ZSWIM6: variants seen among roughly 807,000 people sequenced by gnomAD.
ZSWIM6 encodes zinc finger SWIM domain-containing protein 6.
Under a neutral mutation model 113.2 loss-of-function variants are expected in ZSWIM6, and 9 were observed. The observed-to-expected ratio is 0.08, with a 90% CI of 0.05 to 0.14. ZSWIM6 has a LOEUF of 0.14. ZSWIM6 is among the 10% of genes least tolerant of loss of function. The pLI is 1.00. For missense variants in ZSWIM6, 1,162 were observed against 1,552.2 expected (o/e 0.75, Z 4.22); for synonymous variants, 611 against 606.5 (o/e 1.01, Z -0.11).
At chr5:61,541,168 T>G (rs1749726451) in intron 12 of ZSWIM6, among the ~76,000 whole-genome samples, 1 of 152,042 alleles carries the variant, frequency 6.6e-6, no homozygotes, top group Non-Finnish European at 1.5e-5. Flanking sequence ...GGTCTCAAAC[T>G]CCTGACCTCG....
intron 1 of ZSWIM6, among the ~76,000 whole-genome samples, chr5:61,423,615 G>A (rs1180496390): frequency 6.6e-6 from 1 of 152,096 alleles, no homozygotes; most frequent in Non-Finnish European, 1.5e-5. Context: ...AAGTGATATT[G>A]CTACAAATCA....
chr5:61,471,656 T>A, intron 1 of ZSWIM6, among the ~76,000 whole-genome samples: 1 of 152,178 alleles, frequency 6.6e-6, no homozygotes, highest in East Asian at 1.9e-4. Context: ...GCACAAACCC[T>A]ATTTGGAATT....
intron 2 of ZSWIM6, among the ~76,000 whole-genome samples, chr5:61,480,627 C>A (rs1444810524): frequency 6.6e-6 from 1 of 152,166 alleles, no homozygotes; most frequent in African/African-American, 2.4e-5. Context: ...GCATTACTTA[C>A]CCCTTTGAAA....
chr5:61,517,541 T>A (rs1332877229), intron 4 of ZSWIM6, among the ~76,000 whole-genome samples: 1 of 152,102 alleles, frequency 6.6e-6, no homozygotes, highest in Non-Finnish European at 1.5e-5. Context: ...TTTACTTTCA[T>A]CTCATGGAGC....
In ZSWIM6 at chr5:61,488,658, C is replaced by A. The variant is rs1041519753; in HGVS notation, c.1034-2128C>A. 3.4e-4 allele frequency among the ~76,000 whole-genome samples: 52 copies of A among 151,996 alleles called. 1 individual carries two copies. The highest frequency in any genetic ancestry group is 1.8e-4 in the Non-Finnish European group (12 of 67,952). On this transcript the variant is annotated intron_variant, in intron 2 of 13. Transcript: ENST00000252744. ...TTCTGTGATATCAATTTTAATGTCT[C>A]TGTTTTCATTTCTGATTTTATTTAT... is the stretch of plus-strand genomic sequence containing the variant.
At chr5:61,537,799 G>T (rs557632024) in intron 10 of ZSWIM6, among the ~76,000 whole-genome samples, 1 of 152,304 alleles carries the variant, frequency 6.6e-6, no homozygotes, top group East Asian at 1.9e-4. Flanking sequence ...CTTAACACTG[G>T]TGTACTTGAC....
At chr5:61,438,005 C>G (rs538291169) in intron 1 of ZSWIM6, among the ~76,000 whole-genome samples, 9 of 152,050 alleles carry the variant, frequency 5.9e-5, no homozygotes, top group East Asian at 3.9e-4. Context: ...ACTGAACACT[C>G]TCAGTTTCCT....
chr5:61,347,954 G>A (rs544386825), intron 1 of ZSWIM6, among the ~76,000 whole-genome samples: 120 of 152,322 alleles, frequency 7.9e-4, no homozygotes, highest in African/African-American at 2.8e-3. Flanking sequence ...GGGCATGGTG[G>A]CTCACGCCTG....
chr5:61,364,052 CTCTT>C (rs762835053), intron 1 of ZSWIM6, among the ~76,000 whole-genome samples: 1 of 129,586 alleles, frequency 7.7e-6, no homozygotes, highest in East Asian at 2.6e-4. Flanking sequence ...TCTCCTTTCT[CTCTT>C]TCTTTCTTTT....
intron 1 of ZSWIM6, among the ~76,000 whole-genome samples, chr5:61,378,133 C>T (rs1327456132): frequency 3.3e-5 from 5 of 152,160 alleles, no homozygotes; most frequent in Non-Finnish European, 4.4e-5. Context: ...ACCTATTTGA[C>T]CCAACAATTT....
chr5:61,473,661 T>G (rs1333812506), intron 2 of ZSWIM6, among the ~76,000 whole-genome samples: 1 of 152,216 alleles, frequency 6.6e-6, no homozygotes, highest in Non-Finnish European at 1.5e-5. Context: ...TTCAGAAATA[T>G]ACTTACCACT....
chr5:61,453,520 A>T (rs944917623), intron 1 of ZSWIM6, among the ~76,000 whole-genome samples: 10 of 151,628 alleles, frequency 6.6e-5, no homozygotes, highest in Non-Finnish European at 8.8e-5. Flanking sequence ...GACTACAGGC[A>T]TGTGCCACCA....
intron 4 of ZSWIM6, among the ~76,000 whole-genome samples, chr5:61,501,129 C>T (rs1748455293): frequency 6.6e-6 from 1 of 152,194 alleles, no homozygotes; most frequent in South Asian, 2.1e-4. Context: ...TCTAGGTCCT[C>T]ATTACTGGGG....
At chr5:61,525,417 A>C (rs1384572721) in intron 5 of ZSWIM6, among the ~76,000 whole-genome samples, 1 of 152,152 alleles carries the variant, frequency 6.6e-6, no homozygotes, top group Non-Finnish European at 1.5e-5. Context: ...AGAGCTGTTG[A>C]TCCCATAAGG....
chr5:61,534,479 C>G (rs887007485), intron 9 of ZSWIM6, among the ~76,000 whole-genome samples: 5 of 152,202 alleles, frequency 3.3e-5, no homozygotes, highest in African/African-American at 7.2e-5. Context: ...CTTCACCACA[C>G]TGGTTTTTCT....
intron 10 of ZSWIM6, among the ~76,000 whole-genome samples, chr5:61,535,830 A>G (rs763757120): frequency 3.9e-5 from 6 of 152,356 alleles, no homozygotes; most frequent in African/African-American, 7.2e-5. Flanking sequence ...CCTTGCTGCT[A>G]TCAGACTCAA....
In ZSWIM6 at chr5:61,541,654, G is replaced by A. The variant is rs905218221; in HGVS notation, c.2704-230G>A. On this transcript the variant is annotated intron_variant, in intron 12 of 13. Transcript: ENST00000252744. ...CACATCTAGTCAGTGGGCCCACCAG[G>A]AGGAGAATATGGGCCTCTTGCCAGG... 2.0e-5 allele frequency among the ~76,000 whole-genome samples: 3 copies of A among 152,196 alleles called. No individual in the cohort carries two copies. The East Asian group carries it at 5.8e-4, about 29-fold the overall frequency.
At position 61,521,970 on chromosome 5, in the gene ZSWIM6, A is replaced by T. The variant is rs373248037; in HGVS notation, c.1513+528A>T. On this transcript the variant is annotated intron_variant, in intron 5 of 13. Coordinates refer to ENST00000252744, the MANE Select transcript of ZSWIM6 (RefSeq NM_020928.2). ...TTTACTGGGAAATTTTTTTATTGTG[A>T]GGGGTTGTCTAGCCCACCTGCTGTA... 1.1e-4 allele frequency among the ~76,000 whole-genome samples: 17 copies of T among 152,210 alleles called. No individual in the cohort carries two copies. The East Asian group carries it at 3.1e-3, about 28-fold the overall frequency.
chr5:61,498,630 G>A (rs1561264796), intron 4 of ZSWIM6, among the ~76,000 whole-genome samples: 1 of 152,148 alleles, frequency 6.6e-6, no homozygotes, highest in Non-Finnish European at 1.5e-5. Context: ...TGGCAGTAGA[G>A]AACACAGCCT....
Sources: allele counts gnomAD v4.1 joint callset (sites outside exome capture counted in the v4.1 genomes callset), GRCh38; gene constraint gnomAD v4.1.1; transcripts MANE v1.5; gene names NCBI Gene and HGNC (gene_info 2026-07-23, HGNC 2026-07-21).